SLC16A14: variants seen among roughly 807,000 people sequenced by gnomAD.
The protein encoded by SLC16A14 is solute carrier family 16 member 14.
SLC16A14 carries 14 observed loss-of-function variants against 35.8 expected under a neutral mutation model. The ratio of observed to expected loss-of-function variants is 0.39; its 90% CI spans 0.26 to 0.61. The LOEUF (loss-of-function observed/expected upper bound fraction) is 0.61, where lower values mean the gene tolerates loss of function less well. Among genes scored for constraint, SLC16A14 ranks in the 20% least tolerant of loss-of-function variants. The pLI, the probability that SLC16A14 is intolerant of heterozygous loss-of-function variation, is 0.51. For missense variants in SLC16A14, 533 were observed against 655.0 expected, an observed-to-expected ratio of 0.81 and a Z score of 2.03; for synonymous variants, 248 against 258.9, an observed-to-expected ratio of 0.96 and a Z score of 0.40.
chr2:230,059,441 C>T, intron 1 of SLC16A14, 75 bp from the exon 2 acceptor site: 1 of 1,174,288 alleles, frequency 8.5e-7, no homozygotes, highest in Non-Finnish European at 1.2e-6. Context: ...TGCAGCTCTA[C>T]CTCCCCATCA....
rs1290334723 is a variant in SLC16A14, at chr2:230,046,729, A to G, written c.404-7T>C. 2 of 1,583,252 alleles carry G rather than the reference A, an allele frequency of 1.3e-6. No homozygotes were observed. ...GCCATCCCGCTGCCCAGGCCTGTACAGGCCGACGGGGGGAAGAAAAGACAC... is the reference window on the plus strand; with the variant it reads ...GCCATCCCGCTGCCCAGGCCTGTACGGGCCGACGGGGGGAAGAAAAGACAC... On this transcript the variant is annotated splice_region_variant and splice_polypyrimidine_tract_variant and intron_variant, in intron 3 of 4. Coordinates refer to ENST00000295190, the MANE Select transcript of SLC16A14 (RefSeq NM_152527.5). This position sits in a 1 kb window ranked among gnomAD's most constrained non-coding sequence, Gnocchi z 5.0.
intron 2 of SLC16A14, 63 bp from the exon 3 acceptor site, chr2:230,049,967 A>G: frequency 6.4e-7 from 1 of 1,568,986 alleles, no homozygotes; most frequent in Middle Eastern, 1.7e-4. Flanking sequence ...TTTCTCATAA[A>G]TCTTCATGTG....
At chr2:230,056,879 T>TAAAA (rs60620443) in intron 2 of SLC16A14, among the ~76,000 whole-genome samples, 5 of 95,540 alleles carry the variant, frequency 5.2e-5, no homozygotes, top group Admixed American at 1.3e-4. Context: ...CTACAAAAAG[T>TAAAA]AAAAAAAAAA....
Position 230,061,132 on chromosome 2 carries a change from G to T in SLC16A14, c.-14-1766C>A, listed in dbSNP as rs373832624. ...CAGAGCCAGGGAGCACTCTGCCCCG[G>T]AGCTTGCAATAAGCTGGAGGACTTA... is the stretch of plus-strand genomic sequence containing the variant. On this transcript the variant is annotated intron_variant, in intron 1 of 4. Coordinates refer to ENST00000295190, the MANE Select transcript of SLC16A14 (RefSeq NM_152527.5). Among the ~76,000 whole-genome samples, 8 of 152,250 alleles carry T rather than the reference G, an allele frequency of 5.3e-5. No individual in the cohort carries two copies. In the East Asian group the frequency reaches 5.8e-4, roughly 11 times the overall value.
chr2:230,040,487 G>T (rs2077552588), intron 4 of SLC16A14, among the ~76,000 whole-genome samples: 1 of 152,114 alleles, frequency 6.6e-6, no homozygotes, highest in African/African-American at 2.4e-5. Context: ...CTCCCAAAGT[G>T]CTCGGATTAC....
chr2:230,066,615 G>C (rs751675830), intron 1 of SLC16A14: 2 of 430,574 alleles, frequency 4.6e-6, no homozygotes, highest in South Asian at 3.3e-5. Context: ...CTACAGCAGC[G>C]TAGAAAGTTT....
chr2:230,038,675 C>T lies in SLC16A14; in HGVS notation c.1382-1144G>A, dbSNP rs554753796. On this transcript the variant is annotated intron_variant, in intron 4 of 4. Coordinates refer to ENST00000295190, the MANE Select transcript of SLC16A14 (RefSeq NM_152527.5). The surrounding 1 kb of genome is among the most constrained non-coding windows in gnomAD (Gnocchi z 4.4). ...ATCCCAGCACTTTGGGAGACCAAGG[C>T]GGGCAGATCACATGAAGCCAGGAGT... Among the ~76,000 whole-genome samples the T allele has an allele frequency of 4.2e-4, 64 of 152,188 alleles. No individual in the cohort carries two copies. Among genetic ancestry groups the T allele is most frequent in the African/African-American group, 1.4e-3 (60 of 41,524 alleles).
chr2:230,060,578 T>C (rs2077744228), intron 1 of SLC16A14, among the ~76,000 whole-genome samples: 2 of 152,094 alleles, frequency 1.3e-5, no homozygotes, highest in African/African-American at 2.4e-5. Context: ...CCCAAGCTGG[T>C]CTTGAACTCC....
chr2:230,057,564 T>C (rs1024330841), intron 2 of SLC16A14, among the ~76,000 whole-genome samples: 3 of 151,926 alleles, frequency 2.0e-5, no homozygotes, highest in African/African-American at 7.3e-5. Context: ...AGGCCAGGAG[T>C]TCGAGACCAG....
In SLC16A14 at chr2:230,046,134, A is replaced by T; in HGVS notation, c.992T>A (p.Val331Asp). The change falls in exon 4 of 5, where the codon GTC (valine) becomes GAC (aspartate). Residue 331 changes from valine (V) to aspartate (D), a missense_variant. Physicochemically the swap from Val to Asp is radical, Grantham distance 152. Coordinates refer to ENST00000295190, the MANE Select transcript of SLC16A14 (RefSeq NM_152527.5). This position sits in a 1 kb window ranked among gnomAD's most constrained non-coding sequence, Gnocchi z 5.0. ...TTCTGGGAGGTGAATGAAGGGGATGACAAAGCTGCTGTATGCAAACAAAGC... is the reference window on the plus strand; with the variant it reads ...TTCTGGGAGGTGAATGAAGGGGATGTCAAAGCTGCTGTATGCAAACAAAGC... ...FWALFAYSSFVIPFIHLPEIV... is the reference protein window; with the variant it reads ...FWALFAYSSFDIPFIHLPEIV... 6.2e-7 allele frequency: 1 copy of T among 1,614,004 alleles called. No individual in the cohort carries two copies. Among genetic ancestry groups the T allele is most frequent in the Non-Finnish European group, 8.5e-7 (1 of 1,179,820 alleles).
rs2077534377 is a variant in SLC16A14, at chr2:230,038,286, CA to C, written c.1382-756del. Among the ~76,000 whole-genome samples, 1 of 152,028 alleles carries C rather than the reference CA, an allele frequency of 6.6e-6. No homozygotes were observed. The highest frequency in any genetic ancestry group is 1.5e-5 in the Non-Finnish European group (1 of 68,014). On this transcript the variant is annotated intron_variant, in intron 4 of 4. Coordinates refer to ENST00000295190, the MANE Select transcript of SLC16A14 (RefSeq NM_152527.5). The surrounding 1 kb of genome is among the most constrained non-coding windows in gnomAD (Gnocchi z 4.4). Reference sequence around the variant, plus strand: ...CATGAATTCTAAGACAATGATGTGCCATTATTTTATGTATCAGTAAGAAATA... The same window carrying C: ...CATGAATTCTAAGACAATGATGTGCCTTATTTTATGTATCAGTAAGAAATA...
chr2:230,053,388 A>C (rs962015224), intron 2 of SLC16A14, among the ~76,000 whole-genome samples: 2 of 152,214 alleles, frequency 1.3e-5, no homozygotes, highest in Non-Finnish European at 2.9e-5. Flanking sequence ...CATGACTCAC[A>C]CTTTTATAGA....
At chr2:230,043,390 TG>T (rs576904196) in intron 4 of SLC16A14, among the ~76,000 whole-genome samples, 232 of 152,156 alleles carry the variant, frequency 1.5e-3, no homozygotes, top group African/African-American at 4.9e-3. Flanking sequence ...TCTCTGCCAG[TG>T]GGGGGTCTTA....
intron 2 of SLC16A14, among the ~76,000 whole-genome samples, chr2:230,054,400 C>T (rs4375854): frequency 0.63 from 95,445 of 152,094 alleles, 30,730 homozygotes; most frequent in Non-Finnish European, 0.69. Flanking sequence ...TATATAGCTC[C>T]ACAGGTAGCT....
chr2:230,045,622 C>A (rs1184983921), intron 4 of SLC16A14, 123 bp downstream of exon 4: 2 of 1,036,076 alleles, frequency 1.9e-6, no homozygotes, highest in South Asian at 1.6e-5. Flanking sequence ...AAGTAAAGGG[C>A]AGGAATGGGA....
intron 1 of SLC16A14, among the ~76,000 whole-genome samples, chr2:230,063,770 A>C (rs2077770059): frequency 1.3e-5 from 2 of 152,212 alleles, no homozygotes; most frequent in African/African-American, 4.8e-5. Flanking sequence ...TCTTACCAGT[A>C]ATTTCCCGCT....
intron 3 of SLC16A14, 128 bp downstream of exon 3, chr2:230,049,633 G>T: frequency 1.1e-6 from 1 of 926,484 alleles, no homozygotes; most frequent in Non-Finnish European, 1.6e-6. Context: ...GGGAGGGGTT[G>T]GGGTGAAGTG....
At position 230,045,748 on chromosome 2, in the gene SLC16A14, C is replaced by A; in HGVS notation, c.1378G>T (p.Ala460Ser). The A allele has an allele frequency of 7.4e-6, 12 of 1,614,156 alleles. No homozygotes were observed. Among genetic ancestry groups the A allele is most frequent in the Non-Finnish European group, 9.3e-6 (11 of 1,180,032 alleles). Residue 460 changes from alanine to serine, a missense_variant, in exon 4 of 5, where the codon GCA becomes TCA. Ala to Ser is a moderately conservative substitution (Grantham distance 99). Coordinates refer to ENST00000295190, the MANE Select transcript of SLC16A14 (RefSeq NM_152527.5). ...CTTAAAACCTCAGAGAGTTTACCTG[C>A]AAAAGGTGGTCCCAGCAATGCAGAG... ...GISALLGPPF[A>S]GWIYDITQKY...
chr2:230,044,538 C>T (rs1257477313), intron 4 of SLC16A14, among the ~76,000 whole-genome samples: 2 of 150,798 alleles, frequency 1.3e-5, no homozygotes, highest in Non-Finnish European at 2.9e-5. Flanking sequence ...AGTGGGAAGA[C>T]GTGAGTTACA....
Sources: allele counts gnomAD v4.1 joint callset (sites outside exome capture counted in the v4.1 genomes callset), GRCh38; gene constraint gnomAD v4.1.1; non-coding constraint Gnocchi (gnomAD v3.1); transcripts MANE v1.5; gene names NCBI Gene and HGNC (gene_info 2026-07-23, HGNC 2026-07-21).